The following USP37 variants were observed in gnomAD, a reference collection of about 807,000 sequenced individuals.
USP37 encodes the protein ubiquitin carboxyl-terminal hydrolase 37.
In USP37, 27 loss-of-function variants were observed where a neutral mutation model predicts 124.0. The ratio of observed to expected loss-of-function variants is 0.22; its 90% CI spans 0.16 to 0.30. The LOEUF is 0.30. USP37 is among the 10% of genes least tolerant of loss of function. The pLI, the probability that USP37 is intolerant of heterozygous loss-of-function variation, is 1.00. For synonymous variants in USP37, 365 were observed against 388.0 expected (o/e 0.94, Z 0.70); for missense variants, 889 against 1,140.4 (o/e 0.78, Z 3.17).
chr2:218,530,703 C>T (rs779208033), intron 9 of USP37, among the ~76,000 whole-genome samples: 2 of 152,128 alleles, frequency 1.3e-5, no homozygotes, highest in Admixed American at 6.5e-5. Context: ...GAAAGCTAGG[C>T]CTTTTGCACC....
intron 11 of USP37, 39 bp downstream of exon 11, chr2:218,509,940 C>CT (rs1689885160): frequency 6.7e-7 from 1 of 1,495,522 alleles, no homozygotes; most frequent in East Asian, 2.3e-5. Flanking sequence ...TATTGAATCA[C>CT]TTTATAAAAA....
intron 11 of USP37, among the ~76,000 whole-genome samples, chr2:218,503,575 C>T (rs1330375896): frequency 5.3e-5 from 8 of 152,078 alleles, no homozygotes; most frequent in Non-Finnish European, 1.0e-4. Context: ...ATCAGCAGGG[C>T]GTGGTAGCAC....
At chr2:218,458,378 C>T (rs1689824969) in intron 23 of USP37, among the ~76,000 whole-genome samples, 1 of 151,682 alleles carries the variant, frequency 6.6e-6, no homozygotes, top group Non-Finnish European at 1.5e-5. Flanking sequence ...TTGAGACTGG[C>T]CTAGCCAACA....
At chr2:218,554,632 A>C (rs1305243904) in intron 4 of USP37, among the ~76,000 whole-genome samples, 1 of 152,108 alleles carries the variant, frequency 6.6e-6, no homozygotes, top group African/African-American at 2.4e-5. Context: ...CTGTAGTCCC[A>C]ACTACTCGGG....
chr2:218,501,732 T>A (rs1357980967), intron 11 of USP37, among the ~76,000 whole-genome samples: 1 of 152,194 alleles, frequency 6.6e-6, no homozygotes, highest in African/African-American at 2.4e-5. Flanking sequence ...TTGCTGAGAT[T>A]TCTGGGACAG....
At chr2:218,513,870 C>T (rs940939652) in intron 10 of USP37, among the ~76,000 whole-genome samples, 2 of 152,098 alleles carry the variant, frequency 1.3e-5, no homozygotes, top group African/African-American at 2.4e-5. Context: ...AGTACAATGG[C>T]GCCATCGCGG....
At chr2:218,468,538 TAC>T in intron 20 of USP37, among the ~76,000 whole-genome samples, 1 of 152,186 alleles carries the variant, frequency 6.6e-6, no homozygotes, top group African/African-American at 2.4e-5. Context: ...TAATTTTCAA[TAC>T]AAATACAAGC....
At chr2:218,485,635 CAAAAAAAA>C (rs60749670) in intron 16 of USP37, 21 bp downstream of exon 16, 652 of 1,297,052 alleles carry the variant, frequency 5.0e-4, no homozygotes, top group South Asian at 2.1e-3. Context: ...TAGTCCATAG[CAAAAAAAA>C]AAAAAAAAAA....
intron 8 of USP37, among the ~76,000 whole-genome samples, chr2:218,545,609 C>T (rs1424175712): frequency 6.6e-6 from 1 of 152,074 alleles, no homozygotes; most frequent in Non-Finnish European, 1.5e-5. Flanking sequence ...TAACTGTCTA[C>T]CAACTGATTC....
intron 16 of USP37, among the ~76,000 whole-genome samples, chr2:218,484,842 G>A (rs1691469279): frequency 6.6e-6 from 1 of 152,160 alleles, no homozygotes. Flanking sequence ...CAACCTTGGT[G>A]TTTGCGATCT....
chr2:218,457,026 A>C (rs984079248), intron 24 of USP37, 66 bp downstream of exon 24: 16 of 1,468,690 alleles, frequency 1.1e-5, no homozygotes, highest in East Asian at 2.3e-5. Context: ...GGCAAAGAGC[A>C]ATATAATAAA....
chr2:218,455,041 T>A, intron 25 of USP37, 24 bp from the exon 26 acceptor site: 1 of 1,611,276 alleles, frequency 6.2e-7, no homozygotes. Flanking sequence ...AAGCAAAAAA[T>A]AAAACTGGAA....
chr2:218,494,664 TTC>T (rs1052808882), intron 14 of USP37, among the ~76,000 whole-genome samples: 6 of 152,202 alleles, frequency 3.9e-5, no homozygotes, highest in Non-Finnish European at 7.3e-5. Context: ...ATAGAAATAA[TTC>T]TCTCTTATAT....
At position 218,549,820 on chromosome 2, in the gene USP37, A is replaced by T; in HGVS notation, c.418T>A (p.Ser140Thr). The T allele has an allele frequency of 1.2e-6, 2 of 1,612,686 alleles. No individual in the cohort carries two copies. Among genetic ancestry groups the T allele is most frequent in the Non-Finnish European group, 8.5e-7 (1 of 1,179,478 alleles). Residue 140 changes from serine to threonine, a missense_variant, in exon 6 of 26, where the codon TCA becomes ACA. By Grantham distance (58) the Ser-to-Thr change is moderately conservative. Coordinates refer to ENST00000258399, the MANE Select transcript of USP37 (RefSeq NM_020935.3). ...QKETSRQLSYSDNQASAKRGS... is the reference protein window; with the variant it reads ...QKETSRQLSYTDNQASAKRGS... ...TCAAATGAACATACCTGATTGTCTGAGTAAGAAAGCTGCCTGCTGGTTTCC... is the reference window on the plus strand; with the variant it reads ...TCAAATGAACATACCTGATTGTCTGTGTAAGAAAGCTGCCTGCTGGTTTCC...
At chr2:218,470,620 T>C (rs1173508518) in intron 20 of USP37, among the ~76,000 whole-genome samples, 3 of 152,250 alleles carry the variant, frequency 2.0e-5, no homozygotes, top group Non-Finnish European at 4.4e-5. Context: ...TCTTTTGCAT[T>C]TCCCCTTCAA....
At chr2:218,566,778 A>G (rs1693621570) in intron 1 of USP37, among the ~76,000 whole-genome samples, 1 of 152,190 alleles carries the variant, frequency 6.6e-6, no homozygotes, top group African/African-American at 2.4e-5. Context: ...TAGAAAAGTG[A>G]CAGTGAAAAT....
At chr2:218,547,738 A>G (rs975841747) in intron 6 of USP37, among the ~76,000 whole-genome samples, 1 of 152,192 alleles carries the variant, frequency 6.6e-6, no homozygotes, top group Non-Finnish European at 1.5e-5. Flanking sequence ...TGCCAACAAA[A>G]CAGTCATGAC....
At position 218,512,376 on chromosome 2, in the gene USP37, G is replaced by A. The variant is rs533150918; in HGVS notation, c.864-2236C>T. Among the ~76,000 whole-genome samples, 89 of 152,054 alleles carry A rather than the reference G, an allele frequency of 5.9e-4. No individual in the cohort carries two copies. In the Middle Eastern group the frequency reaches 0.01, roughly 17 times the overall value. On this transcript the variant is annotated intron_variant, in intron 10 of 25. Coordinates refer to ENST00000258399, the MANE Select transcript of USP37 (RefSeq NM_020935.3). ...ACAAAAATTAGCCAAGCGTAGTGGC[G>A]CACACCAGTAGTCCCCAGCTACTTG...
chr2:218,468,204 G>A (rs1379088371), intron 20 of USP37, among the ~76,000 whole-genome samples: 1 of 150,570 alleles, frequency 6.6e-6, no homozygotes, highest in Non-Finnish European at 1.5e-5. Flanking sequence ...CATAATTTTT[G>A]TATTATTATT....
Sources: gnomAD v4.1 joint callset for allele counts (sites outside exome capture counted in the v4.1 genomes callset) on GRCh38, gnomAD v4.1.1 for gene constraint, MANE v1.5 for transcripts, NCBI Gene and HGNC (gene_info 2026-07-23, HGNC 2026-07-21) for gene names.